EYS: variants seen among roughly 807,000 people sequenced by gnomAD.
The protein encoded by EYS is EGF-like photoreceptor maintenance factor, also known as protein eyes shut homolog.
Under a neutral mutation model 282.1 loss-of-function variants are expected in EYS, and 250 were observed. The ratio of observed to expected loss-of-function variants is 0.89; its 90% CI spans 0.80 to 0.98. EYS has a LOEUF of 0.98. Ranked by LOEUF, EYS falls within the 50% of genes least tolerant of loss-of-function variation. EYS has a pLI of 0.00. For synonymous variants in EYS, 1,355 were observed against 1,282.9 expected (o/e 1.06, Z -1.20); for missense variants, 4,016 against 3,709.0 (o/e 1.08, Z -2.15).
intron 22 of EYS, among the ~76,000 whole-genome samples, chr6:64,714,806 G>C (rs1417542144): frequency 6.6e-6 from 1 of 152,026 alleles, no homozygotes; most frequent in Admixed American, 6.6e-5. Flanking sequence ...GATTACAGGC[G>C]TGAGCCACCA....
At chr6:63,969,869 GT>G (rs1202329168) in intron 35 of EYS, among the ~76,000 whole-genome samples, 2 of 152,156 alleles carry the variant, frequency 1.3e-5, no homozygotes, top group African/African-American at 2.4e-5. Context: ...CTGTTACCAC[GT>G]TTTTTATTTG....
At chr6:64,298,321 A>G (rs554275147) in intron 30 of EYS, among the ~76,000 whole-genome samples, 10 of 146,140 alleles carry the variant, frequency 6.8e-5, no homozygotes, top group African/African-American at 2.5e-4. Context: ...AAATAATTTA[A>G]AAGACTAATG....
At chr6:65,033,364 C>G (rs778954538) in intron 13 of EYS, among the ~76,000 whole-genome samples, 1 of 152,142 alleles carries the variant, frequency 6.6e-6, no homozygotes, top group Non-Finnish European at 1.5e-5. Context: ...GTGCCAATAG[C>G]CAGAGCAATG....
intron 12 of EYS, among the ~76,000 whole-genome samples, chr6:65,150,779 T>A (rs898270481): frequency 1.6e-4 from 24 of 152,030 alleles, no homozygotes; most frequent in Non-Finnish European, 2.6e-4. Flanking sequence ...ACATAAATTT[T>A]AAAAAATTTT....
chr6:63,969,678 A>G (rs1356954242), intron 35 of EYS, among the ~76,000 whole-genome samples: 6 of 152,228 alleles, frequency 3.9e-5, no homozygotes, highest in Admixed American at 3.9e-4. Context: ...TGGCCAATCC[A>G]TGTCTGTGGG....
At chr6:63,790,109 G>A (rs988639729) in intron 37 of EYS, among the ~76,000 whole-genome samples, 3 of 152,148 alleles carry the variant, frequency 2.0e-5, no homozygotes, top group Admixed American at 6.5e-5. Flanking sequence ...GAGGAAGAAC[G>A]TAAGAACCCC....
In EYS at chr6:65,380,397, T is replaced by C. The variant is rs189096028; in HGVS notation, c.1299+3989A>G. ...AGAATTCCCTATTTAATAAATGGTTTTGGGAAAACTGGCTAGCCATATGCA... is the reference window on the plus strand; with the variant it reads ...AGAATTCCCTATTTAATAAATGGTTCTGGGAAAACTGGCTAGCCATATGCA... On this transcript the variant is annotated intron_variant, in intron 8 of 42. Transcript: ENST00000503581. Among the ~76,000 whole-genome samples the C allele has an allele frequency of 2.7e-3, 412 of 152,024 alleles. 4 individuals are homozygous for C. The highest frequency in any genetic ancestry group is 9.5e-3 in the African/African-American group (396 of 41,524).
chr6:63,981,413 T>C (rs933061556), intron 35 of EYS, among the ~76,000 whole-genome samples: 1 of 151,818 alleles, frequency 6.6e-6, no homozygotes, highest in Admixed American at 6.6e-5. Context: ...CCAACTCCAC[T>C]GTATTGCATG....
chr6:63,869,128 A>G (rs1178219885), intron 35 of EYS, among the ~76,000 whole-genome samples: 1 of 152,178 alleles, frequency 6.6e-6, no homozygotes, highest in African/African-American at 2.4e-5. Flanking sequence ...TGCTATAGAA[A>G]CTTTTTTCTT....
intron 26 of EYS, among the ~76,000 whole-genome samples, chr6:64,574,422 T>C (rs1445377136): frequency 2.0e-5 from 3 of 152,018 alleles, no homozygotes; most frequent in African/African-American, 7.2e-5. Context: ...CTTAAACTAT[T>C]ACAAAAATCA....
chr6:64,320,543 A>G (rs1193987910), intron 29 of EYS, among the ~76,000 whole-genome samples: 1 of 151,520 alleles, frequency 6.6e-6, no homozygotes, highest in Non-Finnish European at 1.5e-5. Flanking sequence ...ACTTTTTGTT[A>G]TTTCTATACT....
chr6:63,992,268 T>G (rs967612809), intron 34 of EYS, among the ~76,000 whole-genome samples: 2 of 151,872 alleles, frequency 1.3e-5, no homozygotes, highest in African/African-American at 2.4e-5. Flanking sequence ...GCTATTATTT[T>G]ATTGTTGTAT....
chr6:63,952,069 C>T (rs1765620135), intron 35 of EYS, among the ~76,000 whole-genome samples: 4 of 152,204 alleles, frequency 2.6e-5, no homozygotes, highest in African/African-American at 9.7e-5. Flanking sequence ...TTACTTTCCT[C>T]CTCTGTGAGG....
At chr6:64,125,897 A>C (rs939861020) in intron 31 of EYS, among the ~76,000 whole-genome samples, 1 of 150,152 alleles carries the variant, frequency 6.7e-6, no homozygotes, top group Non-Finnish European at 1.5e-5. Context: ...TGGTGTATGC[A>C]CATTTGCACT....
At chr6:64,173,032 A>G (rs1028229428) in intron 31 of EYS, among the ~76,000 whole-genome samples, 12 of 152,164 alleles carry the variant, frequency 7.9e-5, no homozygotes, top group Non-Finnish European at 1.6e-4. Flanking sequence ...TGTCCCAGGT[A>G]CTAGCTATGG....
At chr6:64,808,034 T>A (rs1764488248) in intron 22 of EYS, among the ~76,000 whole-genome samples, 1 of 149,022 alleles carries the variant, frequency 6.7e-6, no homozygotes, top group Non-Finnish European at 1.5e-5. Context: ...CCTCCCTCCT[T>A]CCTTCCTCCT....
Position 64,735,967 on chromosome 6 carries a change from C to T in EYS, c.3443+77411G>A, listed in dbSNP as rs192207961. Among the ~76,000 whole-genome samples the T allele has an allele frequency of 1.5e-4, 23 of 152,034 alleles. No individual in the cohort carries two copies. The East Asian group carries it at 4.2e-3, about 28-fold the overall frequency. On this transcript the variant is annotated intron_variant, in intron 22 of 42. Coordinates refer to ENST00000503581, the MANE Select transcript of EYS (RefSeq NM_001142800.2). ...GTTACATATTTCAGTTACAATCAAACCGATAGCTTAGTCCTTGAAGTTCTA... is the reference window on the plus strand; with the variant it reads ...GTTACATATTTCAGTTACAATCAAATCGATAGCTTAGTCCTTGAAGTTCTA...
chr6:64,452,557 C>T (rs1775393672), intron 26 of EYS, among the ~76,000 whole-genome samples: 1 of 152,080 alleles, frequency 6.6e-6, no homozygotes, highest in African/African-American at 2.4e-5. Flanking sequence ...CCAAGTCAAT[C>T]CTAAGCCAAA....
chr6:63,777,637 A>G (rs1344496353), intron 40 of EYS: 1 of 169,634 alleles, frequency 5.9e-6, no homozygotes, highest in Non-Finnish European at 1.3e-5. Flanking sequence ...TAGCTTTACT[A>G]TTGCCCTTTC....
Sources: gnomAD v4.1 joint callset for allele counts (sites outside exome capture counted in the v4.1 genomes callset) on GRCh38, gnomAD v4.1.1 for gene constraint, MANE v1.5 for transcripts, NCBI Gene and HGNC (gene_info 2026-07-23, HGNC 2026-07-21) for gene names.